Variants in TAFA2 observed in about 807,000 individuals in gnomAD.
TAFA2 encodes chemokine-like protein TAFA-2.
In TAFA2, 7 loss-of-function variants were observed where a neutral mutation model predicts 18.8. That is an observed-to-expected ratio of 0.37 (90% confidence interval 0.21 to 0.70). The LOEUF (loss-of-function observed/expected upper bound fraction) is 0.70. TAFA2 is among the 30% of genes least tolerant of loss of function. The pLI is 0.53. For synonymous variants in TAFA2, 60 were observed against 54.2 expected (o/e 1.11, Z -0.47); for missense variants, 122 against 158.1 (o/e 0.77, Z 1.23).
chr12:61,947,461 A>G (rs12812511), intron 1 of TAFA2, among the ~76,000 whole-genome samples: 44,060 of 151,620 alleles, frequency 0.29, 6,721 homozygotes, highest in East Asian at 0.49. Flanking sequence ...GTATAATTTA[A>G]AAAATAAATA....
chr12:61,877,394 A>G (rs1874899784), intron 1 of TAFA2, among the ~76,000 whole-genome samples: 1 of 152,134 alleles, frequency 6.6e-6, no homozygotes, highest in African/African-American at 2.4e-5. Context: ...GCAGTATGCA[A>G]TCATATGGCA....
chr12:62,018,975 T>C (rs1022678155), intron 1 of TAFA2, among the ~76,000 whole-genome samples: 3 of 151,716 alleles, frequency 2.0e-5, no homozygotes, highest in African/African-American at 4.8e-5. Flanking sequence ...AACAAATTTA[T>C]AAGAAAAAAA....
intron 4 of TAFA2, among the ~76,000 whole-genome samples, chr12:61,729,089 A>G (rs550949011): frequency 6.6e-6 from 1 of 151,860 alleles, no homozygotes; most frequent in Non-Finnish European, 1.5e-5. Flanking sequence ...TCTAGCTTGT[A>G]TAGTTTCTGC....
intron 1 of TAFA2, among the ~76,000 whole-genome samples, chr12:61,887,208 C>T (rs866707252): frequency 2.6e-5 from 4 of 152,156 alleles, no homozygotes; most frequent in Non-Finnish European, 5.9e-5. Context: ...CTGCCCCTCC[C>T]CAGGACAAGC....
At chr12:62,031,541 CT>C (rs1423416364) in intron 1 of TAFA2, among the ~76,000 whole-genome samples, 1 of 152,084 alleles carries the variant, frequency 6.6e-6, no homozygotes, top group Non-Finnish European at 1.5e-5. Flanking sequence ...CCTATTAGTT[CT>C]GTCCCTCTAA....
chr12:62,097,280 T>C (rs569576516), intron 1 of TAFA2, among the ~76,000 whole-genome samples: 1 of 152,210 alleles, frequency 6.6e-6, no homozygotes, highest in East Asian at 1.9e-4. Context: ...AAGGAGCTTA[T>C]TTGGACTCTG....
chr12:62,027,688 G>A (rs1302426435), intron 1 of TAFA2, among the ~76,000 whole-genome samples: 1 of 152,054 alleles, frequency 6.6e-6, no homozygotes, highest in African/African-American at 2.4e-5. Context: ...TCTTCAAAGT[G>A]TATTTTTTTA....
At chr12:62,157,203 G>GTT (rs1220863954) in intron 1 of TAFA2, among the ~76,000 whole-genome samples, 2 of 151,938 alleles carry the variant, frequency 1.3e-5, no homozygotes, top group Admixed American at 1.3e-4. Flanking sequence ...TAGACTTATT[G>GTT]TGTTTTTTTC....
chr12:61,835,144 T>C (rs1270134839), intron 2 of TAFA2, among the ~76,000 whole-genome samples: 2 of 151,984 alleles, frequency 1.3e-5, no homozygotes, highest in Non-Finnish European at 2.9e-5. Flanking sequence ...GACTATAAAA[T>C]AATACATAAA....
intron 1 of TAFA2, among the ~76,000 whole-genome samples, chr12:61,905,128 A>G (rs1876287343): frequency 6.6e-6 from 1 of 152,186 alleles, no homozygotes; most frequent in Non-Finnish European, 1.5e-5. Context: ...AAACAGTATT[A>G]TTCTATTTTG....
At chr12:61,782,871 T>C (rs1870564393) in intron 2 of TAFA2, among the ~76,000 whole-genome samples, 1 of 151,746 alleles carries the variant, frequency 6.6e-6, no homozygotes, top group Non-Finnish European at 1.5e-5. Flanking sequence ...ATTTTCTGTT[T>C]TGTTAAAATA....
chr12:61,720,011 A>C (rs1468869677), intron 4 of TAFA2, among the ~76,000 whole-genome samples: 2 of 152,074 alleles, frequency 1.3e-5, no homozygotes, highest in Admixed American at 1.3e-4. Flanking sequence ...ACAGATGGCG[A>C]TGTTTAACAT....
At chr12:61,893,515 G>T (rs547537778) in intron 1 of TAFA2, among the ~76,000 whole-genome samples, 1 of 152,144 alleles carries the variant, frequency 6.6e-6, no homozygotes, top group Non-Finnish European at 1.5e-5. Context: ...GAAGATTCAG[G>T]AGTGAGAGGG....
intron 1 of TAFA2, among the ~76,000 whole-genome samples, chr12:62,008,816 C>A (rs1260757957): frequency 6.6e-6 from 1 of 152,100 alleles, no homozygotes; most frequent in African/African-American, 2.4e-5. Context: ...CATTTTATTG[C>A]CAACATTTTA....
At chr12:62,174,440 A>T (rs1302679507) in intron 1 of TAFA2, among the ~76,000 whole-genome samples, 1 of 152,214 alleles carries the variant, frequency 6.6e-6, no homozygotes, top group Admixed American at 6.5e-5. Context: ...TAAAGAAAGT[A>T]TCATAGAAAT....
intron 4 of TAFA2, among the ~76,000 whole-genome samples, chr12:61,737,382 A>G (rs1320593769): frequency 6.6e-6 from 1 of 151,916 alleles, no homozygotes; most frequent in Non-Finnish European, 1.5e-5. Flanking sequence ...TTAAAATTTG[A>G]CTAAAATGGA....
chr12:62,229,955 T>C (rs2062805106), intron 1 of TAFA2, among the ~76,000 whole-genome samples: 1 of 152,068 alleles, frequency 6.6e-6, no homozygotes, highest in Non-Finnish European at 1.5e-5. Context: ...GGTTCAATGT[T>C]AGTAGGTTAT....
chr12:61,821,713 A>G (rs983753396), intron 2 of TAFA2, among the ~76,000 whole-genome samples: 3 of 152,158 alleles, frequency 2.0e-5, no homozygotes, highest in Non-Finnish European at 2.9e-5. Context: ...GTAACAATGT[A>G]TAATTGACTT....
chr12:62,070,460 G>C (rs1882602205), intron 1 of TAFA2: 1 of 152,112 alleles, frequency 6.6e-6, no homozygotes, highest in African/African-American at 2.4e-5. Context: ...AAAGACTTTT[G>C]TTAGCAGCTC....
Sources: gnomAD v4.1 joint callset for allele counts (sites outside exome capture counted in the v4.1 genomes callset) on GRCh38, gnomAD v4.1.1 for gene constraint, MANE v1.5 for transcripts, NCBI Gene and HGNC (gene_info 2026-07-23, HGNC 2026-07-21) for gene names.